The following PARG variants were observed in gnomAD, a reference collection of about 807,000 sequenced individuals.
PARG encodes the protein poly(ADP-ribose) glycohydrolase.
PARG carries 35 observed loss-of-function variants against 113.0 expected under a neutral mutation model. The observed-to-expected ratio is 0.31, with a 90% CI of 0.24 to 0.41. The LOEUF is 0.41. PARG is among the 10% of genes least tolerant of loss of function. PARG has a pLI of 1.00. For synonymous variants in PARG, 330 were observed against 409.9 expected (o/e 0.81, Z 2.36); for missense variants, 797 against 1,169.4 (o/e 0.68, Z 4.64).
chr10:49,931,652 G>C (rs1211817486), intron 4 of PARG, among the ~76,000 whole-genome samples: 2 of 144,494 alleles, frequency 1.4e-5, no homozygotes, highest in Non-Finnish European at 3.0e-5. Flanking sequence ...CCGAATGCTC[G>C]AGGAGACTGA....
chr10:49,892,403 T>G (rs1479548786), intron 7 of PARG, among the ~76,000 whole-genome samples: 1 of 152,082 alleles, frequency 6.6e-6, no homozygotes, highest in Non-Finnish European at 1.5e-5. Context: ...AAACACACAG[T>G]TTTGTGTTAC....
chr10:49,820,797 G>A (rs1189015268), intron 16 of PARG, among the ~76,000 whole-genome samples: 1 of 151,772 alleles, frequency 6.6e-6, no homozygotes, highest in Non-Finnish European at 1.5e-5. Flanking sequence ...CAGACATGCT[G>A]CCAAGAATAT....
chr10:49,841,255 AAAAAAAAG>A lies in PARG; in HGVS notation c.2541+687_2541+694del, dbSNP rs1229373841. ...GCCACAAAAGCGAAACTCCATCTCA[AAAAAAAAG>A]AAAAAAAGAAAAAAAAGAAAATCTC... On this transcript the variant is annotated intron_variant, in intron 15 of 17. Coordinates refer to ENST00000616448, the MANE Select transcript of PARG (RefSeq NM_003631.5). 3.3e-5 allele frequency among the ~76,000 whole-genome samples: 5 copies of A among 152,058 alleles called. No homozygotes were observed. In the East Asian group the frequency reaches 5.8e-4, roughly 18 times the overall value.
intron 4 of PARG, among the ~76,000 whole-genome samples, chr10:49,927,885 G>C (rs1838286690): frequency 6.6e-6 from 1 of 151,616 alleles, no homozygotes; most frequent in Non-Finnish European, 1.5e-5. Flanking sequence ...GAACCTAAGA[G>C]TTGGAGGCTG....
At chr10:49,851,943 C>G (rs1308077350) in intron 13 of PARG, among the ~76,000 whole-genome samples, 2 of 149,994 alleles carry the variant, frequency 1.3e-5, no homozygotes, top group African/African-American at 4.9e-5. Flanking sequence ...GTTTGCATGA[C>G]CTGTTTCATA....
At chr10:49,828,072 C>T (rs979089417) in intron 16 of PARG, among the ~76,000 whole-genome samples, 3 of 92,922 alleles carry the variant, frequency 3.2e-5, no homozygotes, top group African/African-American at 4.0e-5. Context: ...TCTGCTGAGA[C>T]GAGATGTAGA....
chr10:49,927,963 CT>C (rs1335118896), intron 4 of PARG, among the ~76,000 whole-genome samples: 2 of 144,230 alleles, frequency 1.4e-5, no homozygotes, highest in South Asian at 2.2e-4. Flanking sequence ...GATCCTGTCT[CT>C]TTAAAAAAAA....
chr10:49,840,500 G>A (rs1179115081), intron 15 of PARG, among the ~76,000 whole-genome samples: 1 of 151,598 alleles, frequency 6.6e-6, no homozygotes, highest in Non-Finnish European at 1.5e-5. Context: ...ATACACCAAA[G>A]GCCGGTCTTT....
intron 9 of PARG, among the ~76,000 whole-genome samples, chr10:49,874,610 T>TGG (rs1846858069): frequency 6.6e-6 from 1 of 150,716 alleles, no homozygotes; most frequent in Non-Finnish European, 1.5e-5. Context: ...ATCCCAGCAC[T>TGG]TTGGGAGGCC....
intron 2 of PARG, 136 bp from the exon 3 acceptor site, chr10:49,934,299 T>C: frequency 1.6e-6 from 1 of 607,474 alleles, no homozygotes; most frequent in Non-Finnish European, 2.9e-6. Flanking sequence ...TATGACTCCA[T>C]GTCTTTGTAT....
chr10:49,829,738 T>G (rs1844564436), intron 16 of PARG, among the ~76,000 whole-genome samples: 1 of 152,218 alleles, frequency 6.6e-6, no homozygotes, highest in Non-Finnish European at 1.5e-5. Context: ...CATAGAGAAC[T>G]GCAAATTTGT....
intron 7 of PARG, among the ~76,000 whole-genome samples, chr10:49,890,989 C>G (rs1428891669): frequency 1.3e-5 from 2 of 152,178 alleles, no homozygotes; most frequent in Non-Finnish European, 2.9e-5. Context: ...TTCCATAGAT[C>G]TTTTTCAAAC....
At chr10:49,909,951 T>C (rs1837072697) in intron 7 of PARG, 1 of 149,554 alleles carries the variant, frequency 6.7e-6, no homozygotes, top group South Asian at 2.0e-4. Context: ...TTTAAATTAA[T>C]GAAAAGTAAA....
At chr10:49,834,316 GAGA>G (rs1460016943) in intron 15 of PARG, among the ~76,000 whole-genome samples, 4 of 152,160 alleles carry the variant, frequency 2.6e-5, no homozygotes, top group Non-Finnish European at 5.9e-5. Flanking sequence ...CATGCCTAGA[GAGA>G]AGAAGGCTTC....
chr10:49,936,632 A>G (rs1232276509), intron 1 of PARG, among the ~76,000 whole-genome samples: 1 of 152,184 alleles, frequency 6.6e-6, no homozygotes, highest in Non-Finnish European at 1.5e-5. Flanking sequence ...TATCAGAAAT[A>G]AAATCTTAAA....
At chr10:49,918,500 A>G (rs1285212269) in intron 6 of PARG, among the ~76,000 whole-genome samples, 2 of 152,250 alleles carry the variant, frequency 1.3e-5, no homozygotes, top group Non-Finnish European at 2.9e-5. Flanking sequence ...ACGACTGAAT[A>G]AGTTCTTTAT....
chr10:49,858,602 G>A (rs1846106682), intron 12 of PARG, among the ~76,000 whole-genome samples: 1 of 134,476 alleles, frequency 7.4e-6, no homozygotes, highest in Non-Finnish European at 1.6e-5. Context: ...ATTAATAGAA[G>A]GCGAAGCAGT....
intron 6 of PARG, among the ~76,000 whole-genome samples, chr10:49,916,792 TTAATAAAG>T (rs1837495489): frequency 6.6e-6 from 1 of 152,204 alleles, no homozygotes; most frequent in Non-Finnish European, 1.5e-5. Flanking sequence ...ACATACTACA[TTAATAAAG>T]TAATAGATAT....
At chr10:49,925,503 C>G (rs1221732477) in intron 4 of PARG, among the ~76,000 whole-genome samples, 1 of 152,200 alleles carries the variant, frequency 6.6e-6, no homozygotes. Context: ...TTATACCTCT[C>G]TAATACATAT....
Sources: allele counts gnomAD v4.1 joint callset (sites outside exome capture counted in the v4.1 genomes callset), GRCh38; gene constraint gnomAD v4.1.1; transcripts MANE v1.5; gene names NCBI Gene and HGNC (gene_info 2026-07-23, HGNC 2026-07-21).